Variants in ADGRG1 observed in about 807,000 individuals in gnomAD.
ADGRG1 encodes the protein 7-transmembrane protein with no EGF-like N-terminal domains-1.
ADGRG1 carries 53 observed loss-of-function variants against 73.5 expected under a neutral mutation model. The observed-to-expected ratio is 0.72, with a 90% CI of 0.58 to 0.91. ADGRG1 has a LOEUF of 0.91. ADGRG1 is among the 40% of genes least tolerant of loss of function. The probability of loss-of-function intolerance (pLI) is 0.00; values close to 1 mark genes in which losing one functional copy is unlikely to be tolerated. For synonymous variants in ADGRG1, 394 were observed against 374.4 expected (o/e 1.05, Z -0.60); for missense variants, 795 against 871.8 (o/e 0.91, Z 1.11).
chr16:57,648,713 T>C (rs890296345), intron 1 of ADGRG1: 14 of 984,368 alleles, frequency 1.4e-5, no homozygotes, highest in Non-Finnish European at 1.7e-5. Context: ...TGACTGCCTC[T>C]GTCACTGTGG....
At chr16:57,632,325 G>T (rs1567680713) in intron 1 of ADGRG1, 1 of 985,374 alleles carries the variant, frequency 1.0e-6, no homozygotes, top group East Asian at 1.1e-4. Context: ...GGAGAATCTT[G>T]GCTTTGTTTC....
At chr16:57,646,527 G>A in intron 1 of ADGRG1, 1 of 985,454 alleles carries the variant, frequency 1.0e-6, no homozygotes, top group Non-Finnish European at 1.2e-6. Flanking sequence ...TGCTCTGGAA[G>A]CTGGGGGTTG....
chr16:57,655,408 A>G lies in ADGRG1; in HGVS notation c.778A>G (p.Ser260Gly). The G allele has an allele frequency of 6.2e-7, 1 of 1,613,320 alleles. No individual in the cohort carries two copies. The highest frequency in any genetic ancestry group is 8.5e-7 in the Non-Finnish European group (1 of 1,179,984). ...AAAGGGACCTCTGCAGGAGGAGCAG[A>G]GCGAGATCATGGAGTACTCGGTGCT... ...HIHSRQEEEQ[S>G]EIMEYSVLLP... is the part of the protein sequence containing the mutation. The change falls in exon 6 of 14, where the codon AGC becomes GGC. Residue 260 changes from serine to glycine, a missense_variant. Physicochemically the swap from Ser to Gly is moderately conservative, Grantham distance 56. Coordinates refer to ENST00000562631, the MANE Select transcript of ADGRG1 (RefSeq NM_201525.4).
chr16:57,647,319 C>T (rs2042922027), intron 1 of ADGRG1: 2 of 984,884 alleles, frequency 2.0e-6, no homozygotes, highest in Non-Finnish European at 1.2e-6. Flanking sequence ...AGAATTTCCC[C>T]TCAAGGTGCT....
chr16:57,620,100 A>T (rs1437258571), upstream of ADGRG1: 1 of 152,012 alleles, frequency 6.6e-6, no homozygotes, highest in Non-Finnish European at 1.5e-5. Flanking sequence ...CAGGCCACAC[A>T]GGCACAGGCC....
chr16:57,623,081 C>T, upstream of ADGRG1: 2 of 983,026 alleles, frequency 2.0e-6, no homozygotes, highest in Non-Finnish European at 2.4e-6. Context: ...CCTGTGTGAC[C>T]TGAGTCAGTC....
intron 1 of ADGRG1, chr16:57,632,753 T>C (rs1180803709): frequency 5.1e-6 from 5 of 983,748 alleles, no homozygotes; most frequent in Non-Finnish European, 6.0e-6. Flanking sequence ...CAGGCAGAGA[T>C]AAAAGCTCAG....
Position 57,628,656 on chromosome 16 carries a change from G to T in ADGRG1, c.-182G>T. ...CACTAGCTGTCTGCCCTGCCCTGCCGTAGGAGATGGGCTGGGAGCCTCCCA... is the reference window on the plus strand; with the variant it reads ...CACTAGCTGTCTGCCCTGCCCTGCCTTAGGAGATGGGCTGGGAGCCTCCCA... On this transcript the variant is annotated 5_prime_UTR_variant, in exon 1 of 14. Transcript: ENST00000562631. The T allele has an allele frequency of 1.0e-6, 1 of 985,526 alleles. No homozygotes were observed. Among genetic ancestry groups the T allele is most frequent in the Non-Finnish European group, 1.2e-6 (1 of 829,982 alleles). The allele number at this position is 985,526 out of a possible 1,614,324, so 61.0% of individuals were successfully genotyped here.
At chr16:57,632,601 C>A (rs1412937867) in intron 1 of ADGRG1, among the ~76,000 whole-genome samples, 1 of 152,212 alleles carries the variant, frequency 6.6e-6, no homozygotes, top group African/African-American at 2.4e-5. Flanking sequence ...GGGAGAGCTG[C>A]GGCCACCTGG....
At chr16:57,662,032 A>G (rs886141457) in intron 13 of ADGRG1, 67 bp downstream of exon 13, 1 of 1,313,360 alleles carries the variant, frequency 7.6e-7, no homozygotes, top group East Asian at 2.3e-5. Context: ...CAGGGAAGAG[A>G]TCACCCAGGG....
intron 9 of ADGRG1, 63 bp from the exon 10 acceptor site, chr16:57,657,310 G>A (rs2045976415): frequency 6.2e-7 from 1 of 1,611,354 alleles, no homozygotes; most frequent in South Asian, 1.1e-5. Flanking sequence ...CCCTCACGCA[G>A]GGCAAGCCTC....
chr16:57,637,899 G>C (rs1307792521), intron 1 of ADGRG1, among the ~76,000 whole-genome samples: 2 of 152,206 alleles, frequency 1.3e-5, no homozygotes, highest in African/African-American at 4.8e-5. Flanking sequence ...CTCTGAGAAA[G>C]TGCTTGTAGC....
In ADGRG1 at chr16:57,653,328, G is replaced by GC; in HGVS notation, c.615dup (p.Ser206GlnfsTer80). 1 of 1,608,472 alleles carries GC rather than the reference G, an allele frequency of 6.2e-7. No individual in the cohort carries two copies. The highest frequency in any genetic ancestry group is 8.5e-7 in the Non-Finnish European group (1 of 1,179,806). On this transcript the variant is annotated frameshift_variant, in exon 4 of 14. Coordinates refer to ENST00000562631, the MANE Select transcript of ADGRG1 (RefSeq NM_201525.4). LOFTEE classifies it high-confidence loss of function. The stretch of plus-strand genomic sequence containing the variant: ...CTCAAGGAGGCCCTCGGCTGCCCCC[G>GC]CCAGCCAGTAAGTTTGGCACCTGGG...
chr16:57,644,973 C>A, intron 1 of ADGRG1: 1 of 660,328 alleles, frequency 1.5e-6, no homozygotes, highest in Non-Finnish European at 1.9e-6. Context: ...CATGCATGGG[C>A]ACACACCCCC....
At chr16:57,631,111 T>C (rs55995425) in intron 1 of ADGRG1, 372,214 of 984,576 alleles carry the variant, frequency 0.38, 70,945 homozygotes, top group African/African-American at 0.5. Context: ...CTCTGGCTGC[T>C]GGGTTAAGGC....
chr16:57,630,411 C>T (rs2037466540), intron 1 of ADGRG1: 2 of 985,772 alleles, frequency 2.0e-6, no homozygotes, highest in Admixed American at 6.1e-5. Context: ...CCACCTTGGT[C>T]ACAGCATCAC....
At chr16:57,646,687 C>G in intron 1 of ADGRG1, 1 of 985,082 alleles carries the variant, frequency 1.0e-6, no homozygotes, top group Non-Finnish European at 1.2e-6. Context: ...TCAATGCCAG[C>G]TCTACAAGGA....
upstream of ADGRG1, among the ~76,000 whole-genome samples, chr16:57,620,643 C>T (rs2034608899): frequency 6.6e-6 from 1 of 152,286 alleles, no homozygotes; most frequent in South Asian, 2.1e-4. Context: ...ATGGAAGGAA[C>T]AGGGTGCAGG....
intron 2 of ADGRG1, chr16:57,621,721 G>C (rs2034859338): frequency 3.7e-6 from 1 of 270,018 alleles, no homozygotes; most frequent in Admixed American, 6.5e-5. Flanking sequence ...CTGACCAGAG[G>C]CACCTGACAC....
Sources: allele counts gnomAD v4.1 joint callset (sites outside exome capture counted in the v4.1 genomes callset), GRCh38; gene constraint gnomAD v4.1.1; transcripts MANE v1.5; gene names NCBI Gene and HGNC (gene_info 2026-07-23, HGNC 2026-07-21).